The following PDLIM5 variants were observed in gnomAD, a reference collection of about 807,000 sequenced individuals.
The protein encoded by PDLIM5 is PDZ and LIM domain protein 5.
Under a neutral mutation model 64.2 loss-of-function variants are expected in PDLIM5, and 34 were observed. The observed-to-expected ratio is 0.53, with a 90% CI of 0.40 to 0.71. PDLIM5 has a LOEUF of 0.71. PDLIM5 is among the 30% of genes least tolerant of loss of function. PDLIM5 has a pLI of 0.00. For synonymous variants in PDLIM5, 253 were observed against 269.1 expected (o/e 0.94, Z 0.59); for missense variants, 683 against 733.6 (o/e 0.93, Z 0.80).
chr4:94,564,376 C>G (rs1734109422), intron 3 of PDLIM5, among the ~76,000 whole-genome samples: 1 of 152,156 alleles, frequency 6.6e-6, no homozygotes, highest in Admixed American at 6.5e-5. Flanking sequence ...TCACTGCTTT[C>G]CCCAGCTTTT....
At position 94,575,786 on chromosome 4, in the gene PDLIM5, T is replaced by C. The variant is rs780937305; in HGVS notation, c.462T>C (p.His154=). 1.2e-6 allele frequency: 2 copies of C among 1,614,076 alleles called. No homozygotes were observed. The highest frequency in any genetic ancestry group is 1.7e-6 in the Non-Finnish European group (2 of 1,179,994). Residue 154 remains histidine (H), a synonymous_variant, in exon 5 of 13, where the codon CAT becomes CAC. Transcript: ENST00000317968. ...PSPSSAFTPA[H]ATTSSHASPS... is the part of the protein sequence containing the mutation. ...CATCGTCTGCCTTCACCCCAGCCCA[T>C]GCGACCACCTCATCACATGCTTCCC...
chr4:94,567,150 A>G lies in PDLIM5; in HGVS notation c.249-6201A>G, dbSNP rs554391592. On this transcript the variant is annotated intron_variant, in intron 3 of 12. Coordinates refer to ENST00000317968, the MANE Select transcript of PDLIM5 (RefSeq NM_006457.5). ...TGGGACTACAGGCGCCCGCCACCAC[A>G]CCTGGCTAATTTTTTTGTATTTTTA... Among the ~76,000 whole-genome samples the G allele has an allele frequency of 4.9e-4, 74 of 151,964 alleles. 1 individual carries two copies. The highest frequency in any genetic ancestry group is 4.2e-3 in the South Asian group (20 of 4,808).
intron 3 of PDLIM5, among the ~76,000 whole-genome samples, chr4:94,538,861 A>G (rs1731537668): frequency 6.6e-6 from 1 of 152,174 alleles, no homozygotes; most frequent in Non-Finnish European, 1.5e-5. Flanking sequence ...ACCTTATGTA[A>G]CTGAATTAAA....
intron 7 of PDLIM5, among the ~76,000 whole-genome samples, chr4:94,608,932 C>T (rs185759399): frequency 1.4e-4 from 21 of 152,224 alleles, no homozygotes; most frequent in Admixed American, 1.4e-3. Flanking sequence ...GTTGTTAAAA[C>T]TTAGCCATAC....
chr4:94,628,561 A>G (rs1739886746), intron 8 of PDLIM5, among the ~76,000 whole-genome samples: 1 of 150,206 alleles, frequency 6.7e-6, no homozygotes, highest in Admixed American at 6.7e-5. Context: ...CCCCTACATG[A>G]TTAGAACTCT....
intron 5 of PDLIM5, chr4:94,584,457 TACCTTGTATGTGATATTCA>T (rs1472793877): frequency 6.6e-6 from 1 of 152,522 alleles, no homozygotes; most frequent in African/African-American, 2.4e-5. Flanking sequence ...AGAACAGCAC[TACCTTGTATGTGATATTCA>T]AGAGACTGAC....
chr4:94,629,846 C>T (rs1301756481), intron 8 of PDLIM5, among the ~76,000 whole-genome samples: 15 of 152,138 alleles, frequency 9.9e-5, no homozygotes, highest in Admixed American at 9.8e-4. Flanking sequence ...GCACAATCGT[C>T]TCCAGAATGT....
chr4:94,603,461 C>T (rs1465415752), intron 7 of PDLIM5, among the ~76,000 whole-genome samples: 10 of 152,076 alleles, frequency 6.6e-5, no homozygotes. Flanking sequence ...ATGAGAAAAA[C>T]TTGGGACTGT....
intron 3 of PDLIM5, among the ~76,000 whole-genome samples, chr4:94,548,016 A>G (rs1443338976): frequency 3.9e-5 from 6 of 152,158 alleles, no homozygotes; most frequent in Non-Finnish European, 1.5e-5. Flanking sequence ...CTTATCTATC[A>G]TCAAGTCTCT....
At chr4:94,469,446 G>A (rs954179154) in intron 2 of PDLIM5, among the ~76,000 whole-genome samples, 2 of 152,280 alleles carry the variant, frequency 1.3e-5, no homozygotes, top group Admixed American at 6.5e-5. Flanking sequence ...ACAGAGATTA[G>A]CAAGTGCAGG....
intron 2 of PDLIM5, among the ~76,000 whole-genome samples, chr4:94,505,319 C>T (rs917835034): frequency 9.2e-5 from 14 of 151,826 alleles, no homozygotes; most frequent in Admixed American, 7.2e-4. Context: ...AGTGCAGTGG[C>T]GTGATCTCAG....
chr4:94,551,507 G>T (rs552098638), intron 3 of PDLIM5, among the ~76,000 whole-genome samples: 2 of 152,064 alleles, frequency 1.3e-5, no homozygotes, highest in African/African-American at 4.8e-5. Flanking sequence ...GGGTTTCATC[G>T]TCAAAGATTT....
chr4:94,455,831 TG>T, intron 2 of PDLIM5: 1 of 1,452,752 alleles, frequency 6.9e-7, no homozygotes, highest in Non-Finnish European at 9.3e-7. Flanking sequence ...CACTTTCTGG[TG>T]GAGGTGATAG....
At chr4:94,514,883 A>G (rs980809660) in intron 2 of PDLIM5, among the ~76,000 whole-genome samples, 7 of 152,196 alleles carry the variant, frequency 4.6e-5, no homozygotes, top group Non-Finnish European at 1.0e-4. Flanking sequence ...GTAGTAATTT[A>G]GTCTCCTTTT....
chr4:94,567,416 T>G (rs28612590), intron 3 of PDLIM5, among the ~76,000 whole-genome samples: 2 of 152,230 alleles, frequency 1.3e-5, no homozygotes, highest in East Asian at 3.9e-4. Flanking sequence ...TCTACCTGAT[T>G]GAAGTTGGAA....
intron 8 of PDLIM5, among the ~76,000 whole-genome samples, chr4:94,636,262 G>A (rs550445920): frequency 6.6e-6 from 1 of 152,218 alleles, no homozygotes; most frequent in East Asian, 1.9e-4. Context: ...CATAGATAAT[G>A]TGATAAAATA....
At chr4:94,657,701 A>G (rs1260081574) in intron 11 of PDLIM5, among the ~76,000 whole-genome samples, 154 bp downstream of exon 11, 1 of 152,144 alleles carries the variant, frequency 6.6e-6, no homozygotes, top group African/African-American at 2.4e-5. Context: ...AGAAAAAACT[A>G]TGTAGATTTT....
chr4:94,522,759 TA>T (rs1490105045), intron 2 of PDLIM5, among the ~76,000 whole-genome samples: 1 of 152,184 alleles, frequency 6.6e-6, no homozygotes, highest in Non-Finnish European at 1.5e-5. Flanking sequence ...AGAAACTCTG[TA>T]TAAGATTTTA....
intron 5 of PDLIM5, 44 bp from the exon 6 acceptor site, chr4:94,585,521 T>A (rs892969613): frequency 1.6e-6 from 2 of 1,221,476 alleles, no homozygotes; most frequent in Non-Finnish European, 2.2e-6. Flanking sequence ...ATCCTTTTAA[T>A]ATAACTTTAC....
Sources: gnomAD v4.1 joint callset for allele counts (sites outside exome capture counted in the v4.1 genomes callset) on GRCh38, gnomAD v4.1.1 for gene constraint, MANE v1.5 for transcripts, NCBI Gene and HGNC (gene_info 2026-07-23, HGNC 2026-07-21) for gene names.